The following SNAPC1 variants were observed in gnomAD, a reference collection of about 807,000 sequenced individuals.
SNAPC1 encodes the protein small nuclear RNA activating complex polypeptide 1.
Under a neutral mutation model 50.1 loss-of-function variants are expected in SNAPC1, and 42 were observed. The ratio of observed to expected loss-of-function variants is 0.84; its 90% confidence interval spans 0.65 to 1.08. The LOEUF is 1.08. Ranked by LOEUF, SNAPC1 falls within the 50% of genes least tolerant of loss-of-function variation. The probability of loss-of-function intolerance (pLI) is 0.00; values close to 1 mark genes in which losing one functional copy is unlikely to be tolerated. For missense variants in SNAPC1, 477 were observed against 427.3 expected, an observed-to-expected ratio of 1.12 and a Z score of -1.02; for synonymous variants, 164 against 144.2, an observed-to-expected ratio of 1.14 and a Z score of -0.98.
intron 8 of SNAPC1, among the ~76,000 whole-genome samples, chr14:61,784,783 A>G (rs1156250108): frequency 2.6e-5 from 4 of 152,212 alleles, no homozygotes; most frequent in Non-Finnish European, 5.9e-5. Flanking sequence ...AAAGTGCCTC[A>G]TGTTCAATGG....
chr14:61,782,472 T>G (rs2045082905), intron 8 of SNAPC1, 75 bp downstream of exon 8: 14 of 1,172,440 alleles, frequency 1.2e-5, no homozygotes, highest in Non-Finnish European at 1.6e-5. Flanking sequence ...CATGTTTATT[T>G]CCTTGTTAAG....
intron 4 of SNAPC1, among the ~76,000 whole-genome samples, chr14:61,771,663 C>G (rs1472602763): frequency 6.6e-6 from 1 of 152,010 alleles, no homozygotes; most frequent in Non-Finnish European, 1.5e-5. Context: ...AGGTAAGGAG[C>G]TAGTTAGAGG....
In SNAPC1 at chr14:61,796,054, A is replaced by T. The variant is rs1232720326; in HGVS notation, c.*1071A>T. 6.6e-6 allele frequency: 1 copy of T among 152,212 alleles called. No homozygotes were observed. The highest frequency in any genetic ancestry group is 2.4e-5 in the African/African-American group (1 of 41,438). 9.4% of individuals were successfully genotyped at this position (152,212 alleles called of 1,614,324 possible). A position where few individuals can be genotyped will look rare whatever the true frequency, so the allele number is the denominator to read the frequency against. On this transcript the variant is annotated 3_prime_UTR_variant, in exon 10 of 10. Transcript: ENST00000216294. ...TTTTCCAGCATGGTATTATTAAGGG[A>T]TTTAAAGTTTGGGTTGCATGCCTGT...
At chr14:61,773,289 C>T (rs1267467851) in intron 4 of SNAPC1, among the ~76,000 whole-genome samples, 1 of 151,890 alleles carries the variant, frequency 6.6e-6, no homozygotes, top group Admixed American at 6.6e-5. Context: ...TAATAATGGA[C>T]ATCGTGTGCT....
In SNAPC1 at chr14:61,778,113, A is replaced by C. The variant is rs765877018; in HGVS notation, c.735A>C (p.Lys245Asn). ...CAAAAACTAATGATGGAGAAGAAAA[A>C]ATGGAAGGAAATTCACAAGAAACGG... ...LKSKTNDGEE[K>N]MEGNSQETER... is the part of the protein sequence containing the mutation. The change falls in exon 6 of 10, where the codon AAA becomes AAC. Residue 245 changes from lysine to asparagine, a missense_variant. By Grantham distance (94) the Lys-to-Asn change is moderately conservative. Transcript: ENST00000216294. 1.2e-6 allele frequency: 2 copies of C among 1,604,178 alleles called. No individual in the cohort carries two copies. The highest frequency in any genetic ancestry group is 2.2e-5 in the East Asian group (1 of 44,570).
At chr14:61,781,832 C>T (rs990101953) in intron 7 of SNAPC1, among the ~76,000 whole-genome samples, 3 of 152,220 alleles carry the variant, frequency 2.0e-5, no homozygotes, top group Non-Finnish European at 4.4e-5. Flanking sequence ...TTACCCTGGC[C>T]ATGGGGATGT....
At chr14:61,783,016 C>CTTTT (rs1191462174) in intron 8 of SNAPC1, among the ~76,000 whole-genome samples, 14 of 125,920 alleles carry the variant, frequency 1.1e-4, no homozygotes, top group African/African-American at 3.1e-4. Context: ...TTTTCCAGTG[C>CTTTT]ATTTTTTTTT....
chr14:61,773,397 G>GTTT (rs58782943), intron 4 of SNAPC1, among the ~76,000 whole-genome samples: 70 of 99,296 alleles, frequency 7.0e-4, no homozygotes, highest in Non-Finnish European at 1.0e-3. Context: ...TATTTCCTTA[G>GTTT]TTTTTTTTTT....
intron 9 of SNAPC1, among the ~76,000 whole-genome samples, chr14:61,794,651 G>A (rs2045175867): frequency 2.0e-5 from 3 of 152,006 alleles, no homozygotes; most frequent in Admixed American, 1.3e-4. Context: ...CTCATGATTC[G>A]CCCACCTTAG....
chr14:61,785,820 A>G (rs1346656224), intron 8 of SNAPC1, among the ~76,000 whole-genome samples: 1 of 152,196 alleles, frequency 6.6e-6, no homozygotes, highest in African/African-American at 2.4e-5. Flanking sequence ...CATAAGCAAT[A>G]GGGGAGAGGA....
intron 1 of SNAPC1, among the ~76,000 whole-genome samples, chr14:61,764,393 A>G (rs2044931710): frequency 6.6e-6 from 1 of 152,204 alleles, no homozygotes; most frequent in East Asian, 1.9e-4. Context: ...AATTGCAAGG[A>G]ATGGAGGATG....
chr14:61,776,192 A>C lies in SNAPC1; in HGVS notation c.632A>C (p.Asp211Ala). 1.9e-6 allele frequency: 3 copies of C among 1,612,786 alleles called. No homozygotes were observed. Among genetic ancestry groups the C allele is most frequent in the Non-Finnish European group, 2.5e-6 (3 of 1,179,368 alleles). Reference sequence around the variant, plus strand: ...AAAGCCCTCAGCTTGATAAAGGATGATTTTTTTGACAATATTAAGAACATA... The same window carrying C: ...AAAGCCCTCAGCTTGATAAAGGATGCTTTTTTTGACAATATTAAGAACATA... ...PDKALSLIKD[D>A]FFDNIKNIVL... The change falls in exon 5 of 10, where the codon GAT becomes GCT. Residue 211 changes from aspartate (D) to alanine (A), a missense_variant. Coordinates refer to ENST00000216294, the MANE Select transcript of SNAPC1 (RefSeq NM_003082.4).
intron 7 of SNAPC1, among the ~76,000 whole-genome samples, chr14:61,781,318 G>A (rs1245223400): frequency 6.6e-6 from 1 of 151,852 alleles, no homozygotes; most frequent in Non-Finnish European, 1.5e-5. Flanking sequence ...GCGTGGTGGT[G>A]GGCGCCAGTA....
intron 3 of SNAPC1, 31 bp from the exon 4 acceptor site, chr14:61,768,605 C>T: frequency 9.0e-7 from 1 of 1,109,940 alleles, no homozygotes; most frequent in Non-Finnish European, 1.4e-6. Context: ...TTAAAAGATA[C>T]TCATTTAAAA....
intron 4 of SNAPC1, among the ~76,000 whole-genome samples, chr14:61,773,776 T>C (rs1438225347): frequency 2.0e-5 from 3 of 150,572 alleles, no homozygotes; most frequent in South Asian, 2.1e-4. Flanking sequence ...CTCGGCTCAC[T>C]GCAGCCTCCA....
At chr14:61,777,057 C>G (rs2045039545) in intron 5 of SNAPC1, among the ~76,000 whole-genome samples, 1 of 152,172 alleles carries the variant, frequency 6.6e-6, no homozygotes, top group African/African-American at 2.4e-5. Flanking sequence ...TTTCTGATTA[C>G]TTACTATGTG....
intron 8 of SNAPC1, among the ~76,000 whole-genome samples, chr14:61,790,122 G>T (rs142757093): frequency 6.6e-6 from 1 of 152,156 alleles, no homozygotes; most frequent in African/African-American, 2.4e-5. Context: ...GATTTCATTG[G>T]GGGGAGAATT....
intron 7 of SNAPC1, among the ~76,000 whole-genome samples, chr14:61,779,368 A>C (rs1449862138): frequency 6.6e-6 from 1 of 152,014 alleles, no homozygotes; most frequent in Non-Finnish European, 1.5e-5. Flanking sequence ...CTTTGATACA[A>C]ATATTCTTTC....
chr14:61,788,990 T>C (rs546217323), intron 8 of SNAPC1, among the ~76,000 whole-genome samples: 6 of 152,318 alleles, frequency 3.9e-5, no homozygotes, highest in African/African-American at 1.4e-4. Flanking sequence ...CCCAGCACTT[T>C]GGGAGGCCGA....
Sources: allele counts gnomAD v4.1 joint callset (sites outside exome capture counted in the v4.1 genomes callset), GRCh38; gene constraint gnomAD v4.1.1; transcripts MANE v1.5; gene names NCBI Gene and HGNC (gene_info 2026-07-23, HGNC 2026-07-21).